Variants in HS3ST5 observed in about 807,000 individuals in gnomAD.
The protein encoded by HS3ST5 is heparan sulfate glucosamine 3-O-sulfotransferase 5.
HS3ST5 carries 10 observed loss-of-function variants against 25.4 expected under a neutral mutation model. That is an observed-to-expected ratio of 0.39 (90% CI 0.24 to 0.67). The LOEUF (loss-of-function observed/expected upper bound fraction) is 0.67. HS3ST5 is among the 30% of genes least tolerant of loss of function. The probability of loss-of-function intolerance (pLI) is 0.44; values close to 1 mark genes in which losing one functional copy is unlikely to be tolerated. For missense variants in HS3ST5, 324 were observed against 420.7 expected (o/e 0.77, Z 2.01); for synonymous variants, 170 against 162.4 (o/e 1.05, Z -0.36).
intron 1 of HS3ST5, among the ~76,000 whole-genome samples, chr6:114,243,501 A>T (rs964537729): frequency 1.3e-5 from 2 of 152,318 alleles, no homozygotes; most frequent in Admixed American, 1.3e-4. Context: ...GGGGGTTTTT[A>T]AAGTAAGCAG....
intron 3 of HS3ST5, among the ~76,000 whole-genome samples, chr6:114,072,018 T>C (rs1269953403): frequency 6.6e-6 from 1 of 152,166 alleles, no homozygotes; most frequent in Non-Finnish European, 1.5e-5. Context: ...AATGTCCTGC[T>C]CAAAGCTGCA....
chr6:114,087,023 TTTCTC>T (rs1774876230), intron 3 of HS3ST5, among the ~76,000 whole-genome samples: 1 of 152,186 alleles, frequency 6.6e-6, no homozygotes, highest in African/African-American at 2.4e-5. Context: ...CTCTCTGTCT[TTTCTC>T]AGGTTAAAGC....
In HS3ST5 at chr6:114,101,412, T is replaced by C. The variant is rs552665862; in HGVS notation, c.-32-38535A>G. The stretch of plus-strand genomic sequence containing the variant: ...CTCCTGGGATGTTATTCTCCTCACA[T>C]GCTCCTAAAAAAGCACCACGTGGTT... On this transcript the variant is annotated intron_variant, in intron 3 of 4. Coordinates refer to ENST00000312719, the MANE Select transcript of HS3ST5 (RefSeq NM_153612.4). Among the ~76,000 whole-genome samples the C allele has an allele frequency of 2.0e-5, 3 of 152,330 alleles. No homozygotes were observed. The East Asian group carries it at 5.8e-4, about 29-fold the overall frequency.
chr6:114,221,687 T>C (rs557005858), intron 2 of HS3ST5, among the ~76,000 whole-genome samples: 2 of 151,766 alleles, frequency 1.3e-5, no homozygotes, highest in Non-Finnish European at 3.0e-5. Flanking sequence ...ATTTTTCTGA[T>C]AATCAAGTAA....
chr6:114,260,907 A>T lies in HS3ST5; in HGVS notation c.-338-32129T>A, dbSNP rs115870812. Among the ~76,000 whole-genome samples the T allele has an allele frequency of 3.1e-3, 456 of 148,114 alleles. 3 individuals are homozygous for T. Among genetic ancestry groups the T allele is most frequent in the African/African-American group, 0.011 (440 of 39,708 alleles). ...TAGGTAGGTCCTAAACTGTTTAAAA[A>T]TAGGCATGATGGCATGATGACATTA... On this transcript the variant is annotated intron_variant, in intron 1 of 4. Coordinates refer to ENST00000312719, the MANE Select transcript of HS3ST5 (RefSeq NM_153612.4).
chr6:114,127,849 T>G (rs1325863461), intron 3 of HS3ST5, among the ~76,000 whole-genome samples: 1 of 148,988 alleles, frequency 6.7e-6, no homozygotes, highest in Non-Finnish European at 1.5e-5. Flanking sequence ...AATATATATA[T>G]ATATATAGAG....
chr6:114,310,644 C>T (rs1775491478), intron 1 of HS3ST5, among the ~76,000 whole-genome samples: 1 of 151,768 alleles, frequency 6.6e-6, no homozygotes, highest in Non-Finnish European at 1.5e-5. Context: ...CTTTGACTTG[C>T]AATAGTGGTT....
rs78563190 is a variant in HS3ST5 at position 114,113,616 on chromosome 6, A to T, written c.-32-50739T>A. 1.2e-3 allele frequency among the ~76,000 whole-genome samples: 184 copies of T among 151,976 alleles called. 5 individuals are homozygous for T. The East Asian group carries it at 0.025, about 21-fold the overall frequency. Reference sequence around the variant, plus strand: ...TGCTAGCCAAGCAAGCCTAAAGTTGATCTATTAAATTACTCATAGCGTATA... The same window carrying T: ...TGCTAGCCAAGCAAGCCTAAAGTTGTTCTATTAAATTACTCATAGCGTATA... On this transcript the variant is annotated intron_variant, in intron 3 of 4. Transcript: ENST00000312719.
intron 3 of HS3ST5, among the ~76,000 whole-genome samples, chr6:114,138,649 C>T (rs1777755395): frequency 6.6e-6 from 1 of 152,110 alleles, no homozygotes; most frequent in East Asian, 1.9e-4. Context: ...ACGTGGCTCC[C>T]CTGGTAAAAA....
At chr6:114,281,167 A>C (rs1774091614) in intron 1 of HS3ST5, among the ~76,000 whole-genome samples, 2 of 152,032 alleles carry the variant, frequency 1.3e-5, no homozygotes, top group African/African-American at 4.8e-5. Flanking sequence ...GATCCCTTCC[A>C]ATGTATCTCA....
At chr6:114,119,633 T>C (rs189512722) in intron 3 of HS3ST5, among the ~76,000 whole-genome samples, 112 of 152,306 alleles carry the variant, frequency 7.4e-4, no homozygotes, top group African/African-American at 2.6e-3. Flanking sequence ...ATCCTAATTA[T>C]AAATTTTAAA....
At chr6:114,253,086 G>A (rs2114634135) in intron 1 of HS3ST5, among the ~76,000 whole-genome samples, 1 of 152,248 alleles carries the variant, frequency 6.6e-6, no homozygotes, top group African/African-American at 2.4e-5. Flanking sequence ...CTACTCTGAA[G>A]CTGAGGCAGG....
intron 1 of HS3ST5, among the ~76,000 whole-genome samples, chr6:114,302,947 T>G (rs1775140112): frequency 6.7e-6 from 1 of 149,996 alleles, no homozygotes; most frequent in Admixed American, 6.6e-5. Context: ...ACTTGTGTAG[T>G]TATTCTTAAT....
At chr6:114,341,818 C>A (rs1776891234) in intron 1 of HS3ST5, among the ~76,000 whole-genome samples, 1 of 152,080 alleles carries the variant, frequency 6.6e-6, no homozygotes, top group South Asian at 2.1e-4. Flanking sequence ...CAGAAGTGAC[C>A]GAACGCGAAC....
At position 114,098,085 on chromosome 6, in the gene HS3ST5, G is replaced by T. The variant is rs567840883; in HGVS notation, c.-32-35208C>A. Among the ~76,000 whole-genome samples, 7 of 152,068 alleles carry T rather than the reference G, an allele frequency of 4.6e-5. 1 individual carries two copies. The South Asian group carries it at 1.5e-3, about 32-fold the overall frequency. On this transcript the variant is annotated intron_variant, in intron 3 of 4. Transcript: ENST00000312719. ...GAAAGGAAAGGCTGGGAATTAAATG[G>T]TAATATAAGCTTTCTAATTCAGACG...
At chr6:114,208,692 G>T (rs1242743362) in intron 2 of HS3ST5, among the ~76,000 whole-genome samples, 1 of 152,106 alleles carries the variant, frequency 6.6e-6, no homozygotes, top group Admixed American at 6.6e-5. Flanking sequence ...TTGCATTGTA[G>T]GAAAGAAACA....
chr6:114,198,333 A>G (rs1407908584), intron 2 of HS3ST5, among the ~76,000 whole-genome samples: 1 of 152,212 alleles, frequency 6.6e-6, no homozygotes, highest in Non-Finnish European at 1.5e-5. Flanking sequence ...TGGAGAGAGA[A>G]GACAGAGTAA....
At chr6:114,250,398 G>A (rs1003030555) in intron 1 of HS3ST5, among the ~76,000 whole-genome samples, 6 of 152,050 alleles carry the variant, frequency 3.9e-5, no homozygotes, top group African/African-American at 1.2e-4. Flanking sequence ...TGGCTAACAC[G>A]GTGAAACCCC....
Position 114,057,647 on chromosome 6 carries a change from A to T in HS3ST5, c.651T>A (p.Pro217=). 1 of 1,614,154 alleles carries T rather than the reference A, an allele frequency of 6.2e-7. No individual in the cohort carries two copies. Among genetic ancestry groups the T allele is most frequent in the Non-Finnish European group, 8.5e-7 (1 of 1,180,024 alleles). The part of the protein sequence containing the change: ...YYKFEKLAID[P]NTCEVNTKYK... Reference sequence around the variant, plus strand: ...ATTTTGTGTTCACTTCGCATGTATTAGGGTCTATGGCCAGCTTCTCAAACT... The same window carrying T: ...ATTTTGTGTTCACTTCGCATGTATTTGGGTCTATGGCCAGCTTCTCAAACT... Residue 217 remains proline (P), a synonymous_variant, in exon 5 of 5, where the codon CCT becomes CCA. Transcript: ENST00000312719.
Sources: allele counts gnomAD v4.1 joint callset (sites outside exome capture counted in the v4.1 genomes callset), GRCh38; gene constraint gnomAD v4.1.1; transcripts MANE v1.5; gene names NCBI Gene and HGNC (gene_info 2026-07-23, HGNC 2026-07-21).